TBL1XR1: variants seen among roughly 807,000 people sequenced by gnomAD.
TBL1XR1 encodes the protein F-box-like/WD repeat-containing protein TBL1XR1.
Under a neutral mutation model 66.9 loss-of-function variants are expected in TBL1XR1, and 5 were observed. That is an observed-to-expected ratio of 0.07 (90% CI 0.04 to 0.16). The LOEUF (loss-of-function observed/expected upper bound fraction) is 0.16, where lower values mean the gene tolerates loss of function less well. Ranked by LOEUF, TBL1XR1 falls within the 10% of genes least tolerant of loss-of-function variation. The probability of loss-of-function intolerance (pLI) is 1.00; values close to 1 mark genes in which losing one functional copy is unlikely to be tolerated. For missense variants in TBL1XR1, 238 were observed against 623.2 expected, an observed-to-expected ratio of 0.38 and a Z score of 6.58; for synonymous variants, 210 against 206.0, an observed-to-expected ratio of 1.02 and a Z score of -0.17.
At chr3:177,036,931 T>C (rs1714873600) in intron 12 of TBL1XR1, among the ~76,000 whole-genome samples, 1 of 152,226 alleles carries the variant, frequency 6.6e-6, no homozygotes, top group Non-Finnish European at 1.5e-5. Context: ...CAAAGCTTCA[T>C]TTATTTTGGA....
chr3:177,030,135 G>T (rs199590280), intron 14 of TBL1XR1, among the ~76,000 whole-genome samples: 3,016 of 150,628 alleles, frequency 0.02, 75 homozygotes, highest in East Asian at 0.15. Flanking sequence ...TATATATAGA[G>T]AGAGAGAGAG....
intron 1 of TBL1XR1, among the ~76,000 whole-genome samples, chr3:177,121,882 A>C (rs1389307314): frequency 6.6e-6 from 1 of 152,108 alleles, no homozygotes; most frequent in African/African-American, 2.4e-5. Flanking sequence ...ACTTCCAACT[A>C]ATAAAAAGAG....
chr3:177,052,192 C>A (rs918062416), intron 4 of TBL1XR1, among the ~76,000 whole-genome samples: 1 of 152,148 alleles, frequency 6.6e-6, no homozygotes, highest in African/African-American at 2.4e-5. Context: ...AAAGCAGAAA[C>A]AGACTTCATG....
chr3:177,033,242 T>C, intron 13 of TBL1XR1, 106 bp from the exon 14 acceptor site: 2 of 944,862 alleles, frequency 2.1e-6, no homozygotes, highest in Admixed American at 3.0e-5. Context: ...GCCAAAATTC[T>C]TTATGAGAAG....
intron 1 of TBL1XR1, among the ~76,000 whole-genome samples, chr3:177,119,098 G>C (rs540639404): frequency 3.9e-5 from 6 of 151,998 alleles, no homozygotes; most frequent in African/African-American, 1.2e-4. Context: ...CAGCATCACG[G>C]GTAGCTGGGA....
At chr3:177,154,028 AAAC>A (rs1380132883) in intron 1 of TBL1XR1, among the ~76,000 whole-genome samples, 1 of 152,032 alleles carries the variant, frequency 6.6e-6, no homozygotes. Context: ...ATAAGACAAA[AAAC>A]AAATATGGTA....
In TBL1XR1 at chr3:177,180,382, C is replaced by A. The variant is rs942303125; in HGVS notation, c.-122+16739G>T. Among the ~76,000 whole-genome samples, 19 of 146,596 alleles carry A rather than the reference C, an allele frequency of 1.3e-4. 1 individual carries two copies. The highest frequency in any genetic ancestry group is 2.3e-4 in the South Asian group (1 of 4,288). On this transcript the variant is annotated intron_variant, in intron 1 of 15. Coordinates refer to ENST00000457928, the MANE Select transcript of TBL1XR1 (RefSeq NM_024665.7). ...CATAAATACGTTCATTCCCCCCCCC[C>A]CCATTTAATAGTACCTTGTCTGTTT... is the stretch of plus-strand genomic sequence containing the variant.
intron 1 of TBL1XR1, among the ~76,000 whole-genome samples, chr3:177,169,131 A>C (rs1365375600): frequency 6.6e-6 from 1 of 152,204 alleles, no homozygotes; most frequent in African/African-American, 2.4e-5. Context: ...TCATTTTCTT[A>C]ATGTTGTTCA....
chr3:177,180,235 CAAAAAAAA>C (rs34198735), intron 1 of TBL1XR1, among the ~76,000 whole-genome samples: 1 of 72,238 alleles, frequency 1.4e-5, no homozygotes, highest in Middle Eastern at 7.8e-3. Flanking sequence ...GACTCCGTCT[CAAAAAAAA>C]AAAAAAAAAA....
chr3:177,037,330 A>G (rs1714939533), intron 12 of TBL1XR1: 1 of 152,256 alleles, frequency 6.6e-6, no homozygotes. Context: ...GACAATTTAT[A>G]GCATGACCTT....
chr3:177,115,648 A>G (rs1726220124), intron 1 of TBL1XR1, among the ~76,000 whole-genome samples: 1 of 152,192 alleles, frequency 6.6e-6, no homozygotes, highest in Non-Finnish European at 1.5e-5. Flanking sequence ...TGAGGTCTAC[A>G]GCCCAAATTG....
intron 1 of TBL1XR1, among the ~76,000 whole-genome samples, chr3:177,180,235 C>CAAAAAAA (rs34198735): frequency 1.4e-5 from 1 of 72,238 alleles, no homozygotes. Context: ...GACTCCGTCT[C>CAAAAAAA]AAAAAAAAAA....
intron 2 of TBL1XR1, among the ~76,000 whole-genome samples, chr3:177,080,650 CAG>C (rs746650504): frequency 5.9e-5 from 9 of 152,096 alleles, no homozygotes; most frequent in East Asian, 1.9e-4. Context: ...CAGTGACACA[CAG>C]AAACATTTTT....
chr3:177,133,205 T>A (rs1728504469), intron 1 of TBL1XR1, among the ~76,000 whole-genome samples: 1 of 152,122 alleles, frequency 6.6e-6, no homozygotes, highest in African/African-American at 2.4e-5. Context: ...AAGAATAGCT[T>A]GAACCTGGGA....
chr3:177,046,485 G>T (rs1188952177), intron 9 of TBL1XR1, among the ~76,000 whole-genome samples: 1 of 152,080 alleles, frequency 6.6e-6, no homozygotes, highest in Non-Finnish European at 1.5e-5. Flanking sequence ...CATTGTAATA[G>T]TACATTTAAT....
At chr3:177,133,262 G>A (rs988865456) in intron 1 of TBL1XR1, among the ~76,000 whole-genome samples, 3 of 151,598 alleles carry the variant, frequency 2.0e-5, no homozygotes, top group African/African-American at 7.3e-5. Context: ...ACTCCAGCCT[G>A]GGCAACAAGA....
At chr3:177,117,088 A>C (rs1229613354) in intron 1 of TBL1XR1, among the ~76,000 whole-genome samples, 1 of 152,218 alleles carries the variant, frequency 6.6e-6, no homozygotes, top group African/African-American at 2.4e-5. Context: ...CTGAATATAA[A>C]TGAGAAGGGA....
At chr3:177,065,912 T>C (rs1489922512) in intron 2 of TBL1XR1, among the ~76,000 whole-genome samples, 1 of 152,218 alleles carries the variant, frequency 6.6e-6, no homozygotes, top group South Asian at 2.1e-4. Flanking sequence ...ATAATATCAT[T>C]GTATCATAAA....
intron 3 of TBL1XR1, among the ~76,000 whole-genome samples, chr3:177,062,705 T>C (rs1718670886): frequency 6.6e-6 from 1 of 152,166 alleles, no homozygotes; most frequent in South Asian, 2.1e-4. Flanking sequence ...CCTAAGAACA[T>C]ACTAAACAAT....
Sources: allele counts gnomAD v4.1 joint callset (sites outside exome capture counted in the v4.1 genomes callset), GRCh38; gene constraint gnomAD v4.1.1; transcripts MANE v1.5; gene names NCBI Gene and HGNC (gene_info 2026-07-23, HGNC 2026-07-21).